Variants in UBE2Q1 observed in about 807,000 individuals in gnomAD.
The protein encoded by UBE2Q1 is ubiquitin conjugating enzyme E2 Q1.
Under a neutral mutation model 60.1 loss-of-function variants are expected in UBE2Q1, and 6 were observed. That is an observed-to-expected ratio of 0.10 (90% confidence interval 0.05 to 0.20). The LOEUF (loss-of-function observed/expected upper bound fraction) is 0.20, where lower values mean the gene tolerates loss of function less well. UBE2Q1 is among the 10% of genes least tolerant of loss of function. UBE2Q1 has a pLI of 1.00. For synonymous variants in UBE2Q1, 226 were observed against 208.3 expected, an observed-to-expected ratio of 1.09 and a Z score of -0.73; for missense variants, 262 against 525.8, an observed-to-expected ratio of 0.50 and a Z score of 4.91.
rs1475538185 is a variant in UBE2Q1 at position 154,558,315 on chromosome 1, C to A, written c.239G>T (p.Gly80Val). The A allele has an allele frequency of 2.5e-6, 4 of 1,582,750 alleles. No individual in the cohort carries two copies. Among genetic ancestry groups the A allele is most frequent in the Non-Finnish European group, 3.4e-6 (4 of 1,167,850 alleles). The change falls in exon 1 of 13, where the codon GGG (glycine) becomes GTG (valine). Residue 80 changes from glycine to valine, a missense_variant. This residue lies in a region of UBE2Q1 where 49 missense variants were observed against 32.5 expected (regional missense o/e 1.51). Coordinates refer to ENST00000292211, the MANE Select transcript of UBE2Q1 (RefSeq NM_017582.7). The part of the protein sequence containing the change: ...SCEFLLAGAG[G>V]AGAGAAPGPH... ...TCCGGGCGCGGCCCCCGCCCCGGCCCCTCCGGCCCCAGCCAGCAGGAACTC... is the reference window on the plus strand; with the variant it reads ...TCCGGGCGCGGCCCCCGCCCCGGCCACTCCGGCCCCAGCCAGCAGGAACTC...
At position 154,555,550 on chromosome 1, in the gene UBE2Q1, C is replaced by A; in HGVS notation, c.433-18G>T. The A allele has an allele frequency of 1.2e-6, 2 of 1,606,710 alleles. No individual in the cohort carries two copies. The highest frequency in any genetic ancestry group is 1.7e-6 in the Non-Finnish European group (2 of 1,173,334). ...TGCAATAGCTACAGGTAGGGGAGCA[C>A]AGAGACATCAAATCCTTCCCCACTC... On this transcript the variant is annotated intron_variant, in intron 2 of 12. Transcript: ENST00000292211.
At chr1:154,558,185 G>A (rs778627816) in intron 1 of UBE2Q1, 42 bp downstream of exon 1, 29 of 1,458,382 alleles carry the variant, frequency 2.0e-5, no homozygotes, top group Non-Finnish European at 2.5e-5. Flanking sequence ...CTGGGTCCCT[G>A]ACAAGGGGCC....
In UBE2Q1 at chr1:154,552,129, TTCTTTC is replaced by T; in HGVS notation, c.924_929del (p.Lys309_Glu310del). 6.2e-7 allele frequency: 1 copy of T among 1,614,242 alleles called. No homozygotes were observed. Among genetic ancestry groups the T allele is most frequent in the Non-Finnish European group, 8.5e-7 (1 of 1,180,040 alleles). On this transcript the variant is annotated inframe_deletion, in exon 8 of 13. Coordinates refer to ENST00000292211, the MANE Select transcript of UBE2Q1 (RefSeq NM_017582.7). ...AGTTAAGTAGAATGAAGTCGGCTCCTTCTTTCTCTTTGAGGATCTGGAGATCGTTGT... is the reference window on the plus strand; with the variant it reads ...AGTTAAGTAGAATGAAGTCGGCTCCTTCTTTGAGGATCTGGAGATCGTTGT...
chr1:154,554,821 C>A (rs369389012), intron 3 of UBE2Q1, 36 bp from the exon 4 acceptor site: 2 of 1,608,278 alleles, frequency 1.2e-6, no homozygotes, highest in Non-Finnish European at 1.7e-6. Flanking sequence ...GATCAGAGCC[C>A]CAGTGGCTTG....
intron 4 of UBE2Q1, among the ~76,000 whole-genome samples, chr1:154,554,143 C>T (rs1015102512): frequency 2.6e-5 from 4 of 152,172 alleles, no homozygotes; most frequent in Non-Finnish European, 5.9e-5. Context: ...TATCATTATC[C>T]ATTTTATAGA....
intron 3 of UBE2Q1, 88 bp downstream of exon 3, chr1:154,555,340 G>A (rs1557845823): frequency 8.7e-7 from 1 of 1,146,384 alleles, no homozygotes; most frequent in East Asian, 2.3e-5. Flanking sequence ...TGGGGATGGA[G>A]AGAAACTACT....
In UBE2Q1 at chr1:154,553,217, C is replaced by T. The variant is rs150112251; in HGVS notation, c.589-45G>A. The T allele has an allele frequency of 7.2e-5, 115 of 1,590,092 alleles. No individual in the cohort carries two copies. In the African/African-American group the frequency reaches 1.1e-3, roughly 16 times the overall value. ...GGAGTGAAAAGAAAAGGAAAAAAACCGACACAGGTTAGAGAATGACCATCA... is the reference window on the plus strand; with the variant it reads ...GGAGTGAAAAGAAAAGGAAAAAAACTGACACAGGTTAGAGAATGACCATCA... On this transcript the variant is annotated intron_variant, in intron 4 of 12. Coordinates refer to ENST00000292211, the MANE Select transcript of UBE2Q1 (RefSeq NM_017582.7).
At chr1:154,555,572 A>T in intron 2 of UBE2Q1, 40 bp from the exon 3 acceptor site, 3 of 1,577,480 alleles carry the variant, frequency 1.9e-6, no homozygotes, top group Non-Finnish European at 2.6e-6. Context: ...ATCCTTCCCC[A>T]CTCCGATCTG....
chr1:154,552,348 T>C (rs1195830085), intron 7 of UBE2Q1, 56 bp downstream of exon 7: 9 of 1,604,010 alleles, frequency 5.6e-6, no homozygotes, highest in Admixed American at 3.3e-5. Flanking sequence ...CCCACCACAG[T>C]AGCCCCACTC....
At chr1:154,555,389 ACT>A in intron 3 of UBE2Q1, 37 bp downstream of exon 3, 5 of 1,560,116 alleles carry the variant, frequency 3.2e-6, no homozygotes, top group Non-Finnish European at 4.4e-6. Flanking sequence ...CTGTGGGGCA[ACT>A]CTGCACAACA....
intron 12 of UBE2Q1, 112 bp from the exon 13 acceptor site, chr1:154,550,581 G>A: frequency 1.3e-6 from 2 of 1,565,160 alleles, no homozygotes; most frequent in South Asian, 2.4e-5. Flanking sequence ...ATTGGGGAGG[G>A]CTATGCTGTG....
At position 154,549,050 on chromosome 1, in the gene UBE2Q1, CTTGGCCATCT is replaced by C. The variant is rs1252286798; in HGVS notation, c.*1378_*1387del. The C allele has an allele frequency of 1.3e-5, 2 of 152,386 alleles. No homozygotes were observed. The highest frequency in any genetic ancestry group is 6.5e-5 in the Admixed American group (1 of 15,282). 9.4% of individuals were successfully genotyped at this position (152,386 alleles called of 1,614,324 possible). ...GGGTTTTCTGAGACTTGGGTCTTCA[CTTGGCCATCT>C]TTGGCCTCTGTCATTTCACTGTTAA... is the stretch of plus-strand genomic sequence containing the variant. On this transcript the variant is annotated 3_prime_UTR_variant, in exon 13 of 13. Coordinates refer to ENST00000292211, the MANE Select transcript of UBE2Q1 (RefSeq NM_017582.7).
rs1294981925 is a variant in UBE2Q1 at position 154,549,338 on chromosome 1, T to C, written c.*1100A>G. On this transcript the variant is annotated 3_prime_UTR_variant, in exon 13 of 13. Transcript: ENST00000292211. Reference sequence around the variant, plus strand: ...CCCCCCTTAAAATGCTAACCCTTTCTAGTAGGACCCACCTTGTGGGAGTGG... The same window carrying C: ...CCCCCCTTAAAATGCTAACCCTTTCCAGTAGGACCCACCTTGTGGGAGTGG... The C allele has an allele frequency of 6.6e-6, 1 of 152,212 alleles. No homozygotes were observed. The highest frequency in any genetic ancestry group is 1.5e-5 in the Non-Finnish European group (1 of 68,044). 9.4% of individuals were successfully genotyped at this position (152,212 alleles called of 1,614,324 possible). A position where few individuals can be genotyped will look rare whatever the true frequency, so the allele number is the denominator to read the frequency against.
Position 154,552,120 on chromosome 1 carries a change from G to C in UBE2Q1, c.939C>G (p.Asp313Glu). Reference protein sequence around the residue: ...LQILKEKEGADFILLNFSFKD... With the variant: ...LQILKEKEGAEFILLNFSFKD... Reference sequence around the variant, plus strand: ...TAAAGGAAAAGTTAAGTAGAATGAAGTCGGCTCCTTCTTTCTCTTTGAGGA... The same window carrying C: ...TAAAGGAAAAGTTAAGTAGAATGAACTCGGCTCCTTCTTTCTCTTTGAGGA... Residue 313 changes from aspartate (D) to glutamate (E), a missense_variant, in exon 8 of 13, where the codon GAC (aspartate) becomes GAG (glutamate). By Grantham distance (45) the Asp-to-Glu change is conservative. Transcript: ENST00000292211. 6.2e-7 allele frequency: 1 copy of C among 1,614,246 alleles called. No homozygotes were observed. Among genetic ancestry groups the C allele is most frequent in the Non-Finnish European group, 8.5e-7 (1 of 1,180,038 alleles).
In UBE2Q1 at chr1:154,550,110, G is replaced by C. The variant is rs543711949; in HGVS notation, c.*328C>G. On this transcript the variant is annotated 3_prime_UTR_variant, in exon 13 of 13. Coordinates refer to ENST00000292211, the MANE Select transcript of UBE2Q1 (RefSeq NM_017582.7). ...AAATAAATTAAAAATCCATAGCATAGGTAAGGAGGCTCTAGTCTGGAGCAC... is the reference window on the plus strand; with the variant it reads ...AAATAAATTAAAAATCCATAGCATACGTAAGGAGGCTCTAGTCTGGAGCAC... 3.1e-6 allele frequency: 1 copy of C among 322,396 alleles called. No homozygotes were observed. The highest frequency in any genetic ancestry group is 9.2e-5 in the South Asian group (1 of 10,866). 20.0% of individuals were successfully genotyped at this position (322,396 alleles called of 1,614,324 possible). A position where few individuals can be genotyped will look rare whatever the true frequency, so the allele number is the denominator to read the frequency against.
At chr1:154,552,639 T>A (rs1199718714) in intron 6 of UBE2Q1, 97 bp downstream of exon 6, 1 of 1,489,606 alleles carries the variant, frequency 6.7e-7, no homozygotes, top group Non-Finnish European at 9.1e-7. Flanking sequence ...GAAAAGTTCA[T>A]AAGCACTCCT....
chr1:154,557,495 G>T (rs1195128178), intron 1 of UBE2Q1, among the ~76,000 whole-genome samples: 1 of 152,170 alleles, frequency 6.6e-6, no homozygotes, highest in Non-Finnish European at 1.5e-5. Flanking sequence ...TTACTGCTTA[G>T]AATAAATGGG....
intron 1 of UBE2Q1, 66 bp downstream of exon 1, chr1:154,558,161 T>C: frequency 1.5e-6 from 2 of 1,355,668 alleles, no homozygotes; most frequent in South Asian, 3.0e-5. Flanking sequence ...AGCAAAAAGC[T>C]GGATGGAGTG....
Position 154,552,592 on chromosome 1 carries a change from A to G in UBE2Q1, c.815-128T>C, listed in dbSNP as rs567213683. ...TAGGTTCACCACAGATGGACATGCA[A>G]CCAAGCCACTGGCTTGAGGAGCTCC... On this transcript the variant is annotated intron_variant, in intron 6 of 12. Transcript: ENST00000292211. The G allele has an allele frequency of 7.7e-6, 11 of 1,425,222 alleles. No homozygotes were observed. The African/African-American group carries it at 1.3e-4, about 17-fold the overall frequency. The allele number at this position is 1,425,222 out of a possible 1,614,324, so 88.3% of individuals were successfully genotyped here.
Sources: allele counts gnomAD v4.1 joint callset (sites outside exome capture counted in the v4.1 genomes callset), GRCh38; gene constraint gnomAD v4.1.1; regional missense constraint gnomAD v4.1.1; transcripts MANE v1.5; gene names NCBI Gene and HGNC (gene_info 2026-07-23, HGNC 2026-07-21).